Variants in ASPH observed in about 807,000 individuals in gnomAD.
ASPH encodes aspartate beta-hydroxylase.
Under a neutral mutation model 118.4 loss-of-function variants are expected in ASPH, and 100 were observed. The observed-to-expected ratio is 0.84, with a 90% CI of 0.72 to 1.00. ASPH has a LOEUF of 1.00. Among genes scored for constraint, ASPH ranks in the 50% least tolerant of loss-of-function variants. The pLI is 0.00. For synonymous variants in ASPH, 315 were observed against 325.6 expected (o/e 0.97, Z 0.35); for missense variants, 920 against 919.5 (o/e 1.00, Z -0.01).
intron 14 of ASPH, among the ~76,000 whole-genome samples, chr8:61,597,358 G>A (rs953559462): frequency 6.6e-6 from 1 of 151,822 alleles, no homozygotes; most frequent in African/African-American, 2.4e-5. Context: ...CTCAAGAAAA[G>A]AAAGGAAAGA....
Position 61,562,822 on chromosome 8 carries a change from A to G in ASPH, c.1359T>C (p.Asp453=). ...LQRLVQLFPN[D]TSLKNDLGVG... ...CGCCAAGGTCATTTTTTAAGGAAGT[A>G]TCATTGGGAAATAGTTGAACTAATC... The change falls in exon 18 of 25, where the codon GAT becomes GAC. Residue 453 remains aspartate, a synonymous_variant. Transcript: ENST00000379454. 6.2e-7 allele frequency: 1 copy of G among 1,612,982 alleles called. No individual in the cohort carries two copies. Among genetic ancestry groups the G allele is most frequent in the South Asian group, 1.1e-5 (1 of 90,876 alleles).
chr8:61,606,775 T>G (rs1383255146), intron 14 of ASPH: 1 of 152,438 alleles, frequency 6.6e-6, no homozygotes, highest in Non-Finnish European at 1.5e-5. Flanking sequence ...AAGACAAGAC[T>G]CTAATGTAAT....
At chr8:61,643,021 C>T (rs1806013055) in intron 9 of ASPH, 101 bp from the exon 10 acceptor site, 3 of 1,049,772 alleles carry the variant, frequency 2.9e-6, no homozygotes, top group East Asian at 5.4e-5. Context: ...AAACACAGAA[C>T]TCTACTCCTT....
chr8:61,606,031 T>C (rs1563987003), intron 14 of ASPH, among the ~76,000 whole-genome samples: 1 of 152,132 alleles, frequency 6.6e-6, no homozygotes, highest in Non-Finnish European at 1.5e-5. Flanking sequence ...AGGTATGCAA[T>C]TAATGGCGCA....
At chr8:61,667,922 G>T (rs967077859) in intron 3 of ASPH, among the ~76,000 whole-genome samples, 15 of 152,116 alleles carry the variant, frequency 9.9e-5, no homozygotes, top group African/African-American at 3.4e-4. Flanking sequence ...AAGGTAAGAT[G>T]TGTACATGTA....
At position 61,681,014 on chromosome 8, in the gene ASPH, A is replaced by G; in HGVS notation, c.276T>C (p.Ala92=). ...CCACATCAAAATCTCCATCACCATC[A>G]GCATCATAGATTCCTAGTTTTCCTA... ...EVLGKLGIYD[A]DGDGDFDVDD... The change falls in exon 3 of 25, where the codon GCT becomes GCC. Residue 92 remains alanine, a synonymous_variant. Coordinates refer to ENST00000379454, the MANE Select transcript of ASPH (RefSeq NM_004318.4). 1 of 1,604,604 alleles carries G rather than the reference A, an allele frequency of 6.2e-7. No homozygotes were observed. The highest frequency in any genetic ancestry group is 8.5e-7 in the Non-Finnish European group (1 of 1,175,100).
intron 13 of ASPH, chr8:61,632,721 G>T: frequency 2.3e-6 from 1 of 428,500 alleles, no homozygotes; most frequent in Non-Finnish European, 4.6e-6. Flanking sequence ...AAAACCTAAG[G>T]CATCCCACAT....
chr8:61,530,024 G>A (rs956889697), intron 21 of ASPH, among the ~76,000 whole-genome samples: 1 of 152,200 alleles, frequency 6.6e-6, no homozygotes, highest in African/African-American at 2.4e-5. Flanking sequence ...GTATGTGTGT[G>A]CAGAAGAGAG....
intron 19 of ASPH, among the ~76,000 whole-genome samples, chr8:61,553,755 C>T (rs1309260280): frequency 6.6e-6 from 1 of 152,132 alleles, no homozygotes; most frequent in East Asian, 1.9e-4. Flanking sequence ...GAACCCCATT[C>T]CCGTCCCCAC....
At chr8:61,552,268 C>A (rs968002055) in intron 20 of ASPH, among the ~76,000 whole-genome samples, 4 of 152,182 alleles carry the variant, frequency 2.6e-5, no homozygotes, top group African/African-American at 9.7e-5. Flanking sequence ...AGCAGGGCTG[C>A]ATAAATCGTA....
rs765238972 is a variant in ASPH, at chr8:61,548,195, T to C, written c.1640A>G (p.Tyr547Cys). ...RVGNKEAYKW[Y>C]ELGHKRGHFA... is the part of the protein sequence containing the mutation. ...GTGTCCTCTCTTGTGCCCAAGCTCA[T>C]ACCACTTATATGCCTGAAGGAACAG... The change falls in exon 21 of 25, where the codon TAT becomes TGT. Residue 547 changes from tyrosine (Y) to cysteine (C), a missense_variant. Coordinates refer to ENST00000379454, the MANE Select transcript of ASPH (RefSeq NM_004318.4). 3.7e-6 allele frequency: 6 copies of C among 1,613,662 alleles called. No homozygotes were observed. Among genetic ancestry groups the C allele is most frequent in the South Asian group, 1.1e-5 (1 of 91,038 alleles).
intron 15 of ASPH, chr8:61,578,771 T>C: frequency 6.3e-7 from 1 of 1,590,642 alleles, no homozygotes; most frequent in Admixed American, 1.7e-5. Context: ...ATGAGATCAA[T>C]AAGCATACAG....
intron 24 of ASPH, among the ~76,000 whole-genome samples, chr8:61,508,645 C>T (rs1042567796): frequency 2.0e-5 from 3 of 152,200 alleles, no homozygotes; most frequent in Non-Finnish European, 4.4e-5. Context: ...GTGATTTTCA[C>T]GCAAAGGAAT....
intron 13 of ASPH, among the ~76,000 whole-genome samples, chr8:61,626,640 G>T (rs1264463503): frequency 6.6e-6 from 1 of 151,142 alleles, no homozygotes; most frequent in Admixed American, 6.6e-5. Flanking sequence ...ACAAGAAGCA[G>T]TTTCAAGGAT....
chr8:61,669,394 C>A (rs540664150), intron 3 of ASPH, among the ~76,000 whole-genome samples: 1 of 152,244 alleles, frequency 6.6e-6, no homozygotes, highest in South Asian at 2.1e-4. Flanking sequence ...CCACTGACAA[C>A]ATAAAAATGG....
chr8:61,649,355 C>G (rs890898215), intron 5 of ASPH, among the ~76,000 whole-genome samples: 1 of 152,034 alleles, frequency 6.6e-6, no homozygotes, highest in Admixed American at 6.6e-5. Context: ...CTGGGGAGAA[C>G]TGGGGTGAGG....
At chr8:61,575,744 C>T (rs1834924625) in intron 16 of ASPH, among the ~76,000 whole-genome samples, 1 of 152,066 alleles carries the variant, frequency 6.6e-6, no homozygotes. Context: ...GAGAGACTGC[C>T]CTGAGCTAGA....
At chr8:61,692,328 A>G (rs1832835058) in intron 1 of ASPH, among the ~76,000 whole-genome samples, 1 of 152,230 alleles carries the variant, frequency 6.6e-6, no homozygotes, top group Non-Finnish European at 1.5e-5. Context: ...TTTATGATGG[A>G]GAATGTTTAT....
intron 18 of ASPH, among the ~76,000 whole-genome samples, chr8:61,561,121 AG>A: frequency 1.4e-5 from 1 of 69,574 alleles, no homozygotes; most frequent in African/African-American, 4.7e-5. Flanking sequence ...GGAGGGAGGG[AG>A]GGAGGGAGGG....
Sources: allele counts gnomAD v4.1 joint callset (sites outside exome capture counted in the v4.1 genomes callset), GRCh38; gene constraint gnomAD v4.1.1; transcripts MANE v1.5; gene names NCBI Gene and HGNC (gene_info 2026-07-23, HGNC 2026-07-21).